FZD3: variants seen among roughly 807,000 people sequenced by gnomAD.
FZD3 encodes the protein frizzled class receptor 3, also known as frizzled-3.
Under a neutral mutation model 60.7 loss-of-function variants are expected in FZD3, and 30 were observed. The ratio of observed to expected loss-of-function variants is 0.49; its 90% CI spans 0.37 to 0.67. The LOEUF (loss-of-function observed/expected upper bound fraction) is 0.67. Ranked by LOEUF, FZD3 falls within the 30% of genes least tolerant of loss-of-function variation. The pLI is 0.00. For missense variants in FZD3, 605 were observed against 838.7 expected, an observed-to-expected ratio of 0.72 and a Z score of 3.44; for synonymous variants, 246 against 275.2, an observed-to-expected ratio of 0.89 and a Z score of 1.05.
rs1344360395 is a variant in FZD3 at position 28,566,941 on chromosome 8, A to G, written c.*3930A>G. ...GGATATTGTAAGGATCAAATGAAAT[A>G]GTATTTATTATAATGCTCTGTAACC... On this transcript the variant is annotated 3_prime_UTR_variant, in exon 8 of 8. Transcript: ENST00000240093. 2 of 152,186 alleles carry G rather than the reference A, an allele frequency of 1.3e-5. No homozygotes were observed. Among genetic ancestry groups the G allele is most frequent in the East Asian group, 3.8e-4 (2 of 5,202 alleles). 9.4% of individuals were successfully genotyped at this position (152,186 alleles called of 1,614,324 possible).
intron 6 of FZD3, among the ~76,000 whole-genome samples, chr8:28,553,048 C>CT (rs1210733861): frequency 6.6e-6 from 1 of 152,198 alleles, no homozygotes; most frequent in East Asian, 1.9e-4. Context: ...TGAGCATCCT[C>CT]GAATTTTGGC....
At chr8:28,501,587 G>A (rs758988100) in intron 2 of FZD3, among the ~76,000 whole-genome samples, 10 of 152,108 alleles carry the variant, frequency 6.6e-5, no homozygotes, top group African/African-American at 9.7e-5. Flanking sequence ...AGTTAACATC[G>A]TTACTAAACC....
intron 4 of FZD3, 22 bp downstream of exon 4, chr8:28,520,856 A>G (rs113879840): frequency 6.9e-7 from 1 of 1,453,666 alleles, no homozygotes; most frequent in Non-Finnish European, 9.4e-7. Context: ...ATAGATTTTC[A>G]TGGATCATTT....
In FZD3 at chr8:28,563,037, T is replaced by G; in HGVS notation, c.*26T>G. 6.6e-7 allele frequency: 1 copy of G among 1,521,248 alleles called. No individual in the cohort carries two copies. The highest frequency in any genetic ancestry group is 9.1e-7 in the Non-Finnish European group (1 of 1,095,476). 94.2% of individuals were successfully genotyped at this position (1,521,248 alleles called of 1,614,324 possible). A position where few individuals can be genotyped will look rare whatever the true frequency, so the allele number is the denominator to read the frequency against. On this transcript the variant is annotated 3_prime_UTR_variant, in exon 8 of 8. Coordinates refer to ENST00000240093, the MANE Select transcript of FZD3 (RefSeq NM_017412.4). ...TTTGTCTTGTCTAAGGTGGAAATCT[T>G]GTGCTGTTTAAAAAGCAGATTTTAT... is the stretch of plus-strand genomic sequence containing the variant.
intron 5 of FZD3, among the ~76,000 whole-genome samples, chr8:28,536,424 T>A (rs1805014585): frequency 1.3e-5 from 2 of 152,344 alleles, no homozygotes; most frequent in South Asian, 4.1e-4. Flanking sequence ...ATTATTTTTA[T>A]AGTCCGGGCG....
chr8:28,510,262 G>C (rs765937128), intron 3 of FZD3, among the ~76,000 whole-genome samples: 1 of 152,098 alleles, frequency 6.6e-6, no homozygotes, highest in Non-Finnish European at 1.5e-5. Context: ...AAACAACTGT[G>C]TTTCTGGTCT....
intron 5 of FZD3, among the ~76,000 whole-genome samples, chr8:28,539,437 T>A (rs1440256833): frequency 6.6e-6 from 1 of 152,244 alleles, no homozygotes; most frequent in Non-Finnish European, 1.5e-5. Context: ...TGCTACATTG[T>A]CTTAATTACT....
Position 28,525,723 on chromosome 8 carries a change from G to C in FZD3, c.387-1424G>C, listed in dbSNP as rs184666096. Among the ~76,000 whole-genome samples, 662 of 152,286 alleles carry C rather than the reference G, an allele frequency of 4.3e-3. 3 individuals carry two copies. The highest frequency in any genetic ancestry group is 6.8e-3 in the Non-Finnish European group (460 of 68,026). On this transcript the variant is annotated intron_variant, in intron 4 of 7. Transcript: ENST00000240093. The stretch of plus-strand genomic sequence containing the variant: ...CAGAAGAGGCATGATCGTGAACACA[G>C]GAGCAGCATATCTTTAAAGGATTAC...
chr8:28,549,721 A>T (rs939903613), intron 5 of FZD3, among the ~76,000 whole-genome samples: 1 of 152,164 alleles, frequency 6.6e-6, no homozygotes, highest in South Asian at 2.1e-4. Flanking sequence ...ATATAGATAC[A>T]TAGTGTCTTT....
Position 28,504,325 on chromosome 8 carries a change from T to C in FZD3, c.189+1123T>C, listed in dbSNP as rs149007798. Among the ~76,000 whole-genome samples the C allele has an allele frequency of 9.2e-3, 1,406 of 152,346 alleles. 25 individuals are homozygous for C. Among genetic ancestry groups the C allele is most frequent in the African/African-American group, 0.032 (1,319 of 41,582 alleles). ...TTGAAGAGAGAGAATTGGTATAGGC[T>C]ATCAGATTAGGATATATAAAAATGG... is the stretch of plus-strand genomic sequence containing the variant. On this transcript the variant is annotated intron_variant, in intron 3 of 7. Transcript: ENST00000240093.
rs1462198649 is a variant in FZD3 at position 28,571,628 on chromosome 8, C to A, written c.*8617C>A. The A allele has an allele frequency of 1.3e-5, 2 of 152,154 alleles. No individual in the cohort carries two copies. The highest frequency in any genetic ancestry group is 4.8e-5 in the African/African-American group (2 of 41,440). 9.4% of individuals were successfully genotyped at this position (152,154 alleles called of 1,614,324 possible). A position where few individuals can be genotyped will look rare whatever the true frequency, so the allele number is the denominator to read the frequency against. ...CCCCATTTCATGTCTTTAACCCCAA[C>A]TTCCAACAACTTTTCTGCTTTTATT... On this transcript the variant is annotated 3_prime_UTR_variant, in exon 8 of 8. Transcript: ENST00000240093.
intron 5 of FZD3, among the ~76,000 whole-genome samples, chr8:28,532,981 G>A (rs925282135): frequency 1.3e-5 from 2 of 152,136 alleles, no homozygotes; most frequent in Non-Finnish European, 2.9e-5. Flanking sequence ...ATTTTTGTAA[G>A]TTACCATTTA....
At chr8:28,553,178 T>C (rs975356565) in intron 6 of FZD3, among the ~76,000 whole-genome samples, 2 of 152,196 alleles carry the variant, frequency 1.3e-5, no homozygotes, top group Non-Finnish European at 2.9e-5. Context: ...CTCCTTTAAA[T>C]ATAATTTTGT....
In FZD3 at chr8:28,522,139, G is replaced by C. The variant is rs74742388; in HGVS notation, c.386+1305G>C. Reference sequence around the variant, plus strand: ...TTTTTTTTTGAGATGGAATCTCACTGTGTCCCCTAGGGTGGAGTGCAGTGG... The same window carrying C: ...TTTTTTTTTGAGATGGAATCTCACTCTGTCCCCTAGGGTGGAGTGCAGTGG... On this transcript the variant is annotated intron_variant, in intron 4 of 7. Transcript: ENST00000240093. Among the ~76,000 whole-genome samples, 662 of 132,752 alleles carry C rather than the reference G, an allele frequency of 5.0e-3. 23 individuals are homozygous for C. The East Asian group carries it at 0.093, about 19-fold the overall frequency. 87.1% of individuals were successfully genotyped at this position (132,752 alleles called of 152,430 possible). A position where few individuals can be genotyped will look rare whatever the true frequency, so the allele number is the denominator to read the frequency against.
intron 5 of FZD3, among the ~76,000 whole-genome samples, chr8:28,542,091 C>CTTTTT (rs61301257): frequency 1.5e-5 from 2 of 133,566 alleles, no homozygotes; most frequent in African/African-American, 2.7e-5. Context: ...GAATGAAATC[C>CTTTTT]TTTTTTTTTT....
At chr8:28,526,995 C>G in intron 4 of FZD3, 152 bp from the exon 5 acceptor site, 1 of 717,416 alleles carries the variant, frequency 1.4e-6, no homozygotes. Flanking sequence ...GGACCACAAA[C>G]AAGATATCAC....
Position 28,494,252 on chromosome 8 carries a change from C to T in FZD3, c.-482C>T, listed in dbSNP as rs1260374054. On this transcript the variant is annotated 5_prime_UTR_variant, in exon 1 of 8. Coordinates refer to ENST00000240093, the MANE Select transcript of FZD3 (RefSeq NM_017412.4). The stretch of plus-strand genomic sequence containing the variant: ...CGCTGGGAGGCGCGCGCCGGCGTTC[C>T]TCGGCCGCTCCGGGTACCTGAGGGA... 1 of 151,836 alleles carries T rather than the reference C, an allele frequency of 6.6e-6. No homozygotes were observed. The highest frequency in any genetic ancestry group is 1.5e-5 in the Non-Finnish European group (1 of 67,916). 9.4% of individuals were successfully genotyped at this position (151,836 alleles called of 1,614,324 possible).
chr8:28,549,668 T>C (rs1481919556), intron 5 of FZD3, among the ~76,000 whole-genome samples: 3 of 152,180 alleles, frequency 2.0e-5, no homozygotes, highest in African/African-American at 7.2e-5. Flanking sequence ...TTCTAGTGGC[T>C]TTTGGTGTTT....
At chr8:28,543,506 G>T (rs1364650562) in intron 5 of FZD3, among the ~76,000 whole-genome samples, 1 of 151,960 alleles carries the variant, frequency 6.6e-6, no homozygotes, top group African/African-American at 2.4e-5. Flanking sequence ...TCAGCTTCCC[G>T]AGCAGCTGGG....
Sources: gnomAD v4.1 joint callset for allele counts (sites outside exome capture counted in the v4.1 genomes callset) on GRCh38, gnomAD v4.1.1 for gene constraint, MANE v1.5 for transcripts, NCBI Gene and HGNC (gene_info 2026-07-23, HGNC 2026-07-21) for gene names.